TMEM87B: variants seen among roughly 807,000 people sequenced by gnomAD.
TMEM87B encodes the protein transmembrane protein 87B.
In TMEM87B, 83 loss-of-function variants were observed where a neutral mutation model predicts 80.3. That is an observed-to-expected ratio of 1.03 (90% CI 0.87 to 1.24). The LOEUF (loss-of-function observed/expected upper bound fraction) is 1.24. TMEM87B is among the 50% of genes most tolerant of loss of function. TMEM87B has a pLI of 0.00. For synonymous variants in TMEM87B, 219 were observed against 230.5 expected (o/e 0.95, Z 0.45); for missense variants, 625 against 674.4 (o/e 0.93, Z 0.81).
In TMEM87B at chr2:112,060,028, A is replaced by G; in HGVS notation, c.217A>G (p.Lys73Glu). 18 of 1,587,780 alleles carry G rather than the reference A, an allele frequency of 1.1e-5. No homozygotes were observed. The highest frequency in any genetic ancestry group is 1.5e-5 in the Non-Finnish European group (18 of 1,162,942). The change falls in exon 2 of 19, where the codon AAG (lysine) becomes GAG (glutamate). Residue 73 changes from lysine to glutamate, a missense_variant. Coordinates refer to ENST00000283206, the MANE Select transcript of TMEM87B (RefSeq NM_032824.3). ...AACTATGTTTAACTCTACAGATATC[A>G]AGTTATCTGGTAAGTATAATAAAAC... is the stretch of plus-strand genomic sequence containing the variant. ...RKTMFNSTDI[K>E]LSVKSFHCSG...
chr2:112,059,147 T>TTTTTG (rs748411049), intron 1 of TMEM87B, among the ~76,000 whole-genome samples: 6 of 152,146 alleles, frequency 3.9e-5, no homozygotes, highest in Non-Finnish European at 7.4e-5. Context: ...CTATCAGTGT[T>TTTTTG]TTTTGTTTTG....
intron 13 of TMEM87B, among the ~76,000 whole-genome samples, chr2:112,097,917 A>G (rs1679519894): frequency 6.6e-6 from 1 of 151,904 alleles, no homozygotes; most frequent in Non-Finnish European, 1.5e-5. Flanking sequence ...TAGATGGACT[A>G]GAAATCTTAA....
chr2:112,067,456 G>A lies in TMEM87B; in HGVS notation c.450+389G>A, dbSNP rs374131687. Among the ~76,000 whole-genome samples the A allele has an allele frequency of 3.3e-5, 5 of 152,196 alleles. 1 individual carries two copies. Among genetic ancestry groups the A allele is most frequent in the South Asian group, 2.1e-4 (1 of 4,826 alleles). On this transcript the variant is annotated intron_variant, in intron 4 of 18. Coordinates refer to ENST00000283206, the MANE Select transcript of TMEM87B (RefSeq NM_032824.3). ...TCTACTAAAAATAAAAAAATTAGCC[G>A]GGTGTGGTGGCATGTGCCCGTAGTC... is the stretch of plus-strand genomic sequence containing the variant.
At chr2:112,095,382 G>T (rs1679438402) in intron 11 of TMEM87B, 1 of 983,986 alleles carries the variant, frequency 1.0e-6, no homozygotes, top group Non-Finnish European at 1.2e-6. Flanking sequence ...TCCTTCCATG[G>T]CAGGAATGAT....
At chr2:112,097,645 G>A (rs1242393637) in intron 13 of TMEM87B, among the ~76,000 whole-genome samples, 1 of 148,024 alleles carries the variant, frequency 6.8e-6, no homozygotes, top group East Asian at 2.1e-4. Context: ...CCCAGGAGGT[G>A]GAGCTTGCAG....
intron 6 of TMEM87B, among the ~76,000 whole-genome samples, chr2:112,080,449 C>T (rs574279284): frequency 2.7e-5 from 4 of 150,252 alleles, no homozygotes; most frequent in Admixed American, 6.6e-5. Flanking sequence ...TTAGTAGAGA[C>T]GGTGTTTCAC....
chr2:112,091,784 A>C lies in TMEM87B; in HGVS notation c.1104+1A>C, dbSNP rs202035341. Reference sequence around the variant, plus strand: ...TATTGACTCCATTTTTGTGTGGTTCATATCCTTTACTGTGTCCTTCAAAAT... The same window carrying C: ...TATTGACTCCATTTTTGTGTGGTTCCTATCCTTTACTGTGTCCTTCAAAAT... On this transcript the variant is annotated splice_donor_variant, in intron 11 of 18. Coordinates refer to ENST00000283206, the MANE Select transcript of TMEM87B (RefSeq NM_032824.3). LOFTEE classifies it high-confidence loss of function. The C allele has an allele frequency of 3.8e-5, 61 of 1,605,196 alleles. No individual in the cohort carries two copies. The Middle Eastern group carries it at 5.0e-4, about 13-fold the overall frequency.
At chr2:112,102,007 T>A (rs6756084) in intron 15 of TMEM87B, among the ~76,000 whole-genome samples, 8,119 of 152,170 alleles carry the variant, frequency 0.053, 391 homozygotes, top group African/African-American at 0.13. Context: ...TTAAAAAAAA[T>A]TTTTTTAATT....
At chr2:112,110,828 C>T (rs1263854328) in intron 17 of TMEM87B, among the ~76,000 whole-genome samples, 1 of 151,998 alleles carries the variant, frequency 6.6e-6, no homozygotes, top group East Asian at 1.9e-4. Flanking sequence ...TTCCTGAAAA[C>T]AATGATCGTT....
intron 6 of TMEM87B, among the ~76,000 whole-genome samples, chr2:112,077,575 G>A (rs906133048): frequency 1.3e-5 from 2 of 152,150 alleles, no homozygotes; most frequent in Non-Finnish European, 2.9e-5. Flanking sequence ...TTTTTAACAT[G>A]TAGAAATGTG....
At chr2:112,108,705 G>A (rs1679836360) in intron 17 of TMEM87B, among the ~76,000 whole-genome samples, 1 of 152,050 alleles carries the variant, frequency 6.6e-6, no homozygotes, top group African/African-American at 2.4e-5. Flanking sequence ...TTTTTTGGGT[G>A]AGAAGGGCTG....
rs776088450 is a variant in TMEM87B at position 112,097,287 on chromosome 2, A to T, written c.1268A>T (p.Gln423Leu). 4 of 1,603,804 alleles carry T rather than the reference A, an allele frequency of 2.5e-6. No individual in the cohort carries two copies. In the South Asian group the frequency reaches 3.4e-5, roughly 14 times the overall value. Residue 423 changes from glutamine to leucine, a missense_variant, in exon 13 of 19, where the codon CAA becomes CTA. Gln to Leu is a moderately radical substitution (Grantham distance 113). Coordinates refer to ENST00000283206, the MANE Select transcript of TMEM87B (RefSeq NM_032824.3). ...AAGACATTTAGAATTGCAAAATGCCAATCAGTAAGTATAACCTTCCTATTT... is the reference window on the plus strand; with the variant it reads ...AAGACATTTAGAATTGCAAAATGCCTATCAGTAAGTATAACCTTCCTATTT... ...TTKTFRIAKC[Q>L]SDWMERWVDD...
At chr2:112,109,664 C>CTTTTTTTTTTTTTTTTTTTTTTTTTTT in intron 17 of TMEM87B, among the ~76,000 whole-genome samples, 1 of 46,342 alleles carries the variant, frequency 2.2e-5, no homozygotes, top group African/African-American at 8.5e-5. Flanking sequence ...TAAGTATGGT[C>CTTTTTTTTTTTTTTTTTTTTTTTTTTT]TTTTTTTTTT....
chr2:112,096,007 A>G (rs1472715440), intron 11 of TMEM87B, among the ~76,000 whole-genome samples: 3 of 151,260 alleles, frequency 2.0e-5, no homozygotes, highest in African/African-American at 4.9e-5. Context: ...AGATTAAGAC[A>G]CCCCCCTCCA....
At chr2:112,106,147 G>A (rs569849836) in intron 16 of TMEM87B, 72 bp downstream of exon 16, 138 of 954,360 alleles carry the variant, frequency 1.4e-4, no homozygotes, top group Non-Finnish European at 1.9e-4. Flanking sequence ...CTATACGAGT[G>A]TCATATTCAT....
At chr2:112,067,745 T>A (rs1158245094) in intron 4 of TMEM87B, among the ~76,000 whole-genome samples, 1 of 152,246 alleles carries the variant, frequency 6.6e-6, no homozygotes, top group Non-Finnish European at 1.5e-5. Context: ...TTTGCATCCA[T>A]CATCCCATCA....
intron 10 of TMEM87B, among the ~76,000 whole-genome samples, chr2:112,090,874 T>G (rs1399470195): frequency 7.2e-5 from 11 of 152,182 alleles, no homozygotes. Context: ...TATCCAATAG[T>G]GCTAAAAAGC....
rs200527696 is a variant in TMEM87B, at chr2:112,081,388, G to A, written c.708G>A (p.Thr236=). 20 of 1,613,390 alleles carry A rather than the reference G, an allele frequency of 1.2e-5. No homozygotes were observed. Among genetic ancestry groups the A allele is most frequent in the East Asian group, 8.9e-5 (4 of 44,866 alleles). Residue 236 remains threonine, a synonymous_variant, in exon 8 of 19, where the codon ACG becomes ACA. Transcript: ENST00000283206. Reference sequence around the variant, plus strand: ...TATTATATGGCATACTCTGGCTGACGTGGTCTGCCTGTTATTGGAAAGATA... The same window carrying A: ...TATTATATGGCATACTCTGGCTGACATGGTCTGCCTGTTATTGGAAAGATA... ...VYILYGILWL[T]WSACYWKDIL...
intron 1 of TMEM87B, among the ~76,000 whole-genome samples, chr2:112,057,334 C>T (rs1295338344): frequency 1.3e-5 from 2 of 152,202 alleles, no homozygotes; most frequent in Non-Finnish European, 2.9e-5. Context: ...AGTGCAGTGG[C>T]ACAGTCATAT....
Sources: gnomAD v4.1 joint callset for allele counts (sites outside exome capture counted in the v4.1 genomes callset) on GRCh38, gnomAD v4.1.1 for gene constraint, MANE v1.5 for transcripts, NCBI Gene and HGNC (gene_info 2026-07-23, HGNC 2026-07-21) for gene names.